WDR4: variants seen among roughly 807,000 people sequenced by gnomAD.
WDR4 encodes the protein tRNA (guanine-N(7)-)-methyltransferase non-catalytic subunit WDR4.
In WDR4, 47 loss-of-function variants were observed where a neutral mutation model predicts 48.6. The ratio of observed to expected loss-of-function variants is 0.97; its 90% CI spans 0.77 to 1.23. WDR4 has a LOEUF of 1.23. Among genes scored for constraint, WDR4 ranks in the 50% most tolerant of loss-of-function variants. The pLI is 0.00. For synonymous variants in WDR4, 268 were observed against 230.0 expected, an observed-to-expected ratio of 1.17 and a Z score of -1.49; for missense variants, 606 against 551.6, an observed-to-expected ratio of 1.10 and a Z score of -0.99.
intron 2 of WDR4, 146 bp from the exon 3 acceptor site, chr21:42,873,837 G>C: frequency 1.1e-6 from 1 of 928,552 alleles, no homozygotes; most frequent in Non-Finnish European, 1.6e-6. Context: ...ATATTAAAGG[G>C]ACATGGGGAA....
In WDR4 at chr21:42,878,041, CAAAA is replaced by C. The variant is rs60952239; in HGVS notation, c.90-1278_90-1275del. Among the ~76,000 whole-genome samples, 6 of 114,892 alleles carry C rather than the reference CAAAA, an allele frequency of 5.2e-5. No homozygotes were observed. The East Asian group carries it at 1.7e-3, about 33-fold the overall frequency. 75.4% of individuals were successfully genotyped at this position (114,892 alleles called of 152,430 possible). On this transcript the variant is annotated intron_variant, in intron 1 of 10. Coordinates refer to ENST00000398208, the MANE Select transcript of WDR4 (RefSeq NM_018669.6). ...GCCTGGGCGACAAAGCGAGACTCCT[CAAAA>C]AAAAAAAAAAAGAAAAAAAAGAAAT...
intron 2 of WDR4, 54 bp from the exon 3 acceptor site, chr21:42,873,745 A>G (rs1356697102): frequency 3.2e-6 from 5 of 1,584,368 alleles, no homozygotes; most frequent in Admixed American, 1.8e-5. Context: ...ATAAGGCTGC[A>G]TTCCTTGTTG....
At position 42,879,296 on chromosome 21, in the gene WDR4, G is replaced by A. The variant is rs546850508; in HGVS notation, c.89+111C>T. On this transcript the variant is annotated intron_variant, in intron 1 of 10. Transcript: ENST00000398208. ...CTCGTGGGCTGGAGCGGAGTTCCCCGGGGTCACCCCAGAGTGGGTGCGACC... is the reference window on the plus strand; with the variant it reads ...CTCGTGGGCTGGAGCGGAGTTCCCCAGGGTCACCCCAGAGTGGGTGCGACC... The A allele has an allele frequency of 4.7e-5, 68 of 1,451,124 alleles. No homozygotes were observed. The African/African-American group carries it at 8.0e-4, about 17-fold the overall frequency. 89.9% of individuals were successfully genotyped at this position (1,451,124 alleles called of 1,614,324 possible). A position where few individuals can be genotyped will look rare whatever the true frequency, so the allele number is the denominator to read the frequency against.
At chr21:42,848,599 C>T (rs1311778782), downstream of WDR4, among the ~76,000 whole-genome samples, 1 of 76,912 alleles carries the variant, frequency 1.3e-5, no homozygotes, top group Admixed American at 1.3e-4. Flanking sequence ...GATCACGCAG[C>T]GTGCACCTCA....
At chr21:42,866,060 G>C (rs1247175033) in intron 3 of WDR4, among the ~76,000 whole-genome samples, 5 of 152,198 alleles carry the variant, frequency 3.3e-5, no homozygotes, top group African/African-American at 1.2e-4. Flanking sequence ...TTTCCCACGT[G>C]CTGCCGTGGC....
At chr21:42,871,044 G>A (rs575327907) in intron 3 of WDR4, among the ~76,000 whole-genome samples, 49 of 152,254 alleles carry the variant, frequency 3.2e-4, no homozygotes, top group African/African-American at 1.2e-3. Flanking sequence ...GTGAAACAGA[G>A]GTCATTGGGA....
chr21:42,853,525 TG>T (rs1555972319), intron 9 of WDR4, 43 bp downstream of exon 9: 1 of 1,574,424 alleles, frequency 6.4e-7, no homozygotes, highest in Middle Eastern at 2.0e-4. Flanking sequence ...CCCAGGCTTA[TG>T]GAAAGGCAGG....
downstream of WDR4, among the ~76,000 whole-genome samples, chr21:42,845,561 G>A (rs1239203996): frequency 6.6e-6 from 1 of 152,168 alleles, no homozygotes; most frequent in Non-Finnish European, 1.5e-5. Flanking sequence ...TTGGTAAGGT[G>A]GCCTCAGAGA....
chr21:42,890,701 G>A, the WDR4 span, among the ~76,000 whole-genome samples: 2 of 152,220 alleles, frequency 1.3e-5, no homozygotes, highest in African/African-American at 4.8e-5. Context: ...AGGCAGAGTT[G>A]ATGGTGCCCA....
intron 2 of WDR4, among the ~76,000 whole-genome samples, chr21:42,876,046 A>G (rs1271891640): frequency 6.7e-6 from 1 of 150,136 alleles, no homozygotes; most frequent in Non-Finnish European, 1.5e-5. Context: ...CAGCCTCCCA[A>G]GTAGCTGGGA....
At chr21:42,856,336 A>C (rs2146020257) in intron 6 of WDR4, among the ~76,000 whole-genome samples, 1 of 152,320 alleles carries the variant, frequency 6.6e-6, no homozygotes, top group Middle Eastern at 3.4e-3. Context: ...CCACGCTCTA[A>C]AACCATCATC....
intron 3 of WDR4, among the ~76,000 whole-genome samples, chr21:42,865,104 C>A (rs1439058419): frequency 1.3e-5 from 2 of 152,216 alleles, no homozygotes; most frequent in African/African-American, 4.8e-5. Flanking sequence ...GCAGGCAGGA[C>A]CTTTGGGCCA....
In WDR4 at chr21:42,853,609, G is replaced by T; in HGVS notation, c.935C>A (p.Ala312Asp). 1 of 1,610,180 alleles carries T rather than the reference G, an allele frequency of 6.2e-7. No individual in the cohort carries two copies. ...GLWVLQDCQEAPLVLYRPVGD... is the reference protein window; with the variant it reads ...GLWVLQDCQEDPLVLYRPVGD... Reference sequence around the variant, plus strand: ...CACAGGCCTGTAGAGCACCAGGGGGGCTTCCTGGCAGTCCTGGAGCACCCA... The same window carrying T: ...CACAGGCCTGTAGAGCACCAGGGGGTCTTCCTGGCAGTCCTGGAGCACCCA... Residue 312 changes from alanine (A) to aspartate (D), a missense_variant, in exon 9 of 11, where the codon GCC (alanine) becomes GAC (aspartate). By Grantham distance (126) the Ala-to-Asp change is moderately radical. Transcript: ENST00000398208.
At position 42,849,619 on chromosome 21, in the gene WDR4, A is replaced by G; in HGVS notation, c.*430T>C. On this transcript the variant is annotated 3_prime_UTR_variant, in exon 11 of 11. Coordinates refer to ENST00000398208, the MANE Select transcript of WDR4 (RefSeq NM_018669.6). ...GTGTGGCGAGCAGCTACTGCGGGAC[A>G]GCACGTCACCTGGATGCTGAGACGG... is the stretch of plus-strand genomic sequence containing the variant. 6.2e-6 allele frequency: 1 copy of G among 162,500 alleles called. No individual in the cohort carries two copies. The allele number at this position is 162,500 out of a possible 1,614,324, so 10.1% of individuals were successfully genotyped here.
intron 9 of WDR4, among the ~76,000 whole-genome samples, chr21:42,853,159 C>A (rs2057881062): frequency 6.6e-6 from 1 of 152,208 alleles, no homozygotes; most frequent in Non-Finnish European, 1.5e-5. Flanking sequence ...GCCTGCCGCC[C>A]TTGCCCCCTC....
chr21:42,864,748 G>T (rs2058210911), intron 3 of WDR4, among the ~76,000 whole-genome samples: 1 of 152,116 alleles, frequency 6.6e-6, no homozygotes, highest in Non-Finnish European at 1.5e-5. Context: ...CTACTTCCTG[G>T]GGCTCTCATT....
Position 42,850,185 on chromosome 21 carries a change from A to C in WDR4, c.1103T>G (p.Val368Gly), listed in dbSNP as rs750762416. The change falls in exon 11 of 11, where the codon GTG becomes GGG. Residue 368 changes from valine to glycine, a missense_variant. Transcript: ENST00000398208. ...CTCTTTCTTCTTCAGGTAGGAGGTC[A>C]CGTTGTCGAACGTGGCCTTGTAGAG... ...SSLYKATFDN[V>G]TSYLKKKEER... The C allele has an allele frequency of 2.5e-6, 4 of 1,613,762 alleles. No individual in the cohort carries two copies. The highest frequency in any genetic ancestry group is 1.3e-5 in the African/African-American group (1 of 74,928).
chr21:42,847,905 T>G (rs1019079576), downstream of WDR4, among the ~76,000 whole-genome samples: 3 of 152,164 alleles, frequency 2.0e-5, no homozygotes, highest in African/African-American at 7.2e-5. Context: ...AAGCAGACTA[T>G]GAATGAGAAA....
intron 6 of WDR4, among the ~76,000 whole-genome samples, chr21:42,857,225 C>T (rs1434401086): frequency 1.3e-5 from 2 of 152,120 alleles, no homozygotes; most frequent in Non-Finnish European, 2.9e-5. Context: ...GCCAAATACT[C>T]ACTGAGAAGA....
Sources: allele counts gnomAD v4.1 joint callset (sites outside exome capture counted in the v4.1 genomes callset), GRCh38; gene constraint gnomAD v4.1.1; transcripts MANE v1.5; gene names NCBI Gene and HGNC (gene_info 2026-07-23, HGNC 2026-07-21).